The following FAM81B variants were observed in gnomAD, a reference collection of about 807,000 sequenced individuals.
The protein encoded by FAM81B is protein FAM81B.
A neutral mutation model predicts 58.7 loss-of-function variants in FAM81B; 60 were observed. The observed-to-expected ratio is 1.02, with a 90% confidence interval of 0.83 to 1.27. FAM81B has a LOEUF of 1.27. Ranked by LOEUF, FAM81B falls within the 50% of genes most tolerant of loss-of-function variation. The pLI, the probability that FAM81B is intolerant of heterozygous loss-of-function variation, is 0.00. For missense variants in FAM81B, 491 were observed against 522.0 expected, an observed-to-expected ratio of 0.94 and a Z score of 0.58; for synonymous variants, 189 against 179.6, an observed-to-expected ratio of 1.05 and a Z score of -0.42.
chr5:95,425,240 A>T (rs1336209395), intron 5 of FAM81B, among the ~76,000 whole-genome samples: 1 of 152,092 alleles, frequency 6.6e-6, no homozygotes, highest in Non-Finnish European at 1.5e-5. Context: ...GAATCTATAG[A>T]TTAAAAGGAA....
At chr5:95,407,418 A>ATG (rs1561294546) in intron 3 of FAM81B, among the ~76,000 whole-genome samples, 1 of 150,346 alleles carries the variant, frequency 6.7e-6, no homozygotes, top group Non-Finnish European at 1.5e-5. Context: ...ACGCACACAC[A>ATG]CACGCGTGCG....
chr5:95,409,699 C>T (rs1326934279), intron 3 of FAM81B, among the ~76,000 whole-genome samples: 2 of 152,164 alleles, frequency 1.3e-5, no homozygotes, highest in East Asian at 3.8e-4. Context: ...GCCTCGCCAT[C>T]CACACACACT....
intron 3 of FAM81B, among the ~76,000 whole-genome samples, chr5:95,399,900 C>A (rs927195138): frequency 6.6e-6 from 1 of 152,182 alleles, no homozygotes; most frequent in Admixed American, 6.5e-5. Context: ...GGAAGAGCCA[C>A]TAACTGGCCT....
chr5:95,420,132 G>A, intron 4 of FAM81B, 152 bp from the exon 5 acceptor site: 1 of 854,390 alleles, frequency 1.2e-6, no homozygotes, highest in East Asian at 2.7e-5. Context: ...TAAATTAGCA[G>A]AGATCACTTC....
chr5:95,420,505 C>T (rs1370195386), intron 5 of FAM81B, 103 bp downstream of exon 5: 5 of 1,490,352 alleles, frequency 3.4e-6, no homozygotes, highest in African/African-American at 1.4e-5. Context: ...ATTGTCTACA[C>T]ATTAAGCTAA....
intron 3 of FAM81B, among the ~76,000 whole-genome samples, chr5:95,399,085 C>T (rs950800595): frequency 1.3e-5 from 2 of 152,170 alleles, no homozygotes; most frequent in Non-Finnish European, 2.9e-5. Context: ...ATATATAACT[C>T]AGGAATTCTC....
intron 7 of FAM81B, among the ~76,000 whole-genome samples, chr5:95,444,111 T>G (rs1427111706): frequency 6.6e-6 from 1 of 152,176 alleles, no homozygotes; most frequent in East Asian, 1.9e-4. Context: ...CCAAAGCAGA[T>G]TAGATTTCTA....
At position 95,402,311 on chromosome 5, in the gene FAM81B, G is replaced by A. The variant is rs560404320; in HGVS notation, c.293+6136G>A. Among the ~76,000 whole-genome samples, 6 of 152,152 alleles carry A rather than the reference G, an allele frequency of 3.9e-5. No homozygotes were observed. The South Asian group carries it at 1.2e-3, about 32-fold the overall frequency. ...CTGTCCTTGTGGCAATGCAAATAGG[G>A]AAAAAATATAAGCTGTCTGTTGATC... On this transcript the variant is annotated intron_variant, in intron 3 of 9. Coordinates refer to ENST00000283357, the MANE Select transcript of FAM81B (RefSeq NM_152548.3).
chr5:95,423,716 GA>G (rs1485078057), intron 5 of FAM81B, among the ~76,000 whole-genome samples: 6 of 152,024 alleles, frequency 3.9e-5, no homozygotes, highest in African/African-American at 9.7e-5. Flanking sequence ...CAATGCCAGT[GA>G]AAAATAAAAG....
At chr5:95,443,570 CTG>C (rs1346575102) in intron 7 of FAM81B, among the ~76,000 whole-genome samples, 2 of 152,234 alleles carry the variant, frequency 1.3e-5, no homozygotes, top group African/African-American at 4.8e-5. Flanking sequence ...GAGATTTTAA[CTG>C]TAAGTTCTGT....
At chr5:95,414,784 G>C (rs1326971153) in intron 4 of FAM81B, among the ~76,000 whole-genome samples, 1 of 152,168 alleles carries the variant, frequency 6.6e-6, no homozygotes, top group Non-Finnish European at 1.5e-5. Context: ...CCTCGTAACA[G>C]AGGATTTGCA....
At chr5:95,426,508 T>G (rs1333682398) in intron 5 of FAM81B, among the ~76,000 whole-genome samples, 1 of 152,196 alleles carries the variant, frequency 6.6e-6, no homozygotes, top group Non-Finnish European at 1.5e-5. Flanking sequence ...TGTCAGGCAC[T>G]GGCTAAATGC....
chr5:95,402,196 G>A lies in FAM81B; in HGVS notation c.293+6021G>A, dbSNP rs76082396. 7.0e-3 allele frequency among the ~76,000 whole-genome samples: 1,059 copies of A among 152,282 alleles called. 7 individuals carry two copies. Among genetic ancestry groups the A allele is most frequent in the Admixed American group, 9.9e-3 (151 of 15,298 alleles). On this transcript the variant is annotated intron_variant, in intron 3 of 9. Transcript: ENST00000283357. The stretch of plus-strand genomic sequence containing the variant: ...ACCTAATGATTTGAATAATGGCCTC[G>A]TCAGGAATCTCTCTTAGAAAATTGA...
intron 5 of FAM81B, among the ~76,000 whole-genome samples, chr5:95,427,936 C>A (rs901415839): frequency 6.6e-6 from 1 of 152,188 alleles, no homozygotes; most frequent in African/African-American, 2.4e-5. Flanking sequence ...ACCTCACTAG[C>A]TCCTTCTCAC....
chr5:95,415,818 G>A (rs964765654), intron 4 of FAM81B, among the ~76,000 whole-genome samples: 2 of 152,160 alleles, frequency 1.3e-5, no homozygotes, highest in East Asian at 1.9e-4. Flanking sequence ...GTCAAGATCC[G>A]CCCAGATGTA....
chr5:95,403,015 G>C (rs1207863369), intron 3 of FAM81B, among the ~76,000 whole-genome samples: 1 of 152,174 alleles, frequency 6.6e-6, no homozygotes, highest in African/African-American at 2.4e-5. Context: ...CAGAACTTGA[G>C]AGCTCATATT....
chr5:95,423,594 A>G (rs925177538), intron 5 of FAM81B, among the ~76,000 whole-genome samples: 2 of 152,018 alleles, frequency 1.3e-5, no homozygotes, highest in African/African-American at 4.8e-5. Flanking sequence ...TTTGTGATTA[A>G]AAGCAAAATC....
chr5:95,422,227 TGAAAAACACTCATCCAAG>T (rs1480389341), intron 5 of FAM81B, among the ~76,000 whole-genome samples: 1 of 151,684 alleles, frequency 6.6e-6, no homozygotes, highest in Non-Finnish European at 1.5e-5. Flanking sequence ...TACATATGGT[TGAAAAACACTCATCCAAG>T]GAAAAAATAA....
At chr5:95,445,161 A>T (rs989652854) in intron 7 of FAM81B, among the ~76,000 whole-genome samples, 1 of 152,240 alleles carries the variant, frequency 6.6e-6, no homozygotes, top group Non-Finnish European at 1.5e-5. Flanking sequence ...GTCCAGCATG[A>T]CTTAATTAAT....
Sources: gnomAD v4.1 joint callset for allele counts (sites outside exome capture counted in the v4.1 genomes callset) on GRCh38, gnomAD v4.1.1 for gene constraint, MANE v1.5 for transcripts, NCBI Gene and HGNC (gene_info 2026-07-23, HGNC 2026-07-21) for gene names.